Variants in DTWD2 observed in about 807,000 individuals in gnomAD.
DTWD2 encodes tRNA-uridine aminocarboxypropyltransferase 2.
Under a neutral mutation model 31.8 loss-of-function variants are expected in DTWD2, and 39 were observed. That is an observed-to-expected ratio of 1.22 (90% confidence interval 0.95 to 1.60). The LOEUF is 1.60. Among genes scored for constraint, DTWD2 ranks in the 40% most tolerant of loss-of-function variants. The pLI is 0.00. For synonymous variants in DTWD2, 180 were observed against 142.8 expected (o/e 1.26, Z -1.86); for missense variants, 515 against 381.5 (o/e 1.35, Z -2.92).
intron 4 of DTWD2, among the ~76,000 whole-genome samples, chr5:118,851,157 T>A (rs1751992941): frequency 7.2e-6 from 1 of 139,170 alleles, no homozygotes; most frequent in Non-Finnish European, 1.5e-5. Context: ...AGGCAGAGAT[T>A]ACAGTGAGCC....
intron 3 of DTWD2, 118 bp from the exon 4 acceptor site, chr5:118,928,847 ATAAG>A: frequency 1.2e-6 from 1 of 816,762 alleles, no homozygotes; most frequent in Non-Finnish European, 1.8e-6. Context: ...CTAATCAAAT[ATAAG>A]TATTAGTTTA....
chr5:118,883,279 T>G (rs1180963044), intron 4 of DTWD2, among the ~76,000 whole-genome samples: 2 of 152,216 alleles, frequency 1.3e-5, no homozygotes, highest in Non-Finnish European at 2.9e-5. Context: ...TGGACTTCAT[T>G]GTCTATTTCA....
chr5:118,902,770 C>A lies in DTWD2; in HGVS notation c.597+25767G>T, dbSNP rs925906868. 8.5e-5 allele frequency among the ~76,000 whole-genome samples: 13 copies of A among 152,128 alleles called. 1 individual carries two copies. The highest frequency in any genetic ancestry group is 7.9e-4 in the Admixed American group (12 of 15,280). ...ATAGCAATTTTTGAGATATCTTCTA[C>A]CATGTATACACAAATGGTTGCCATA... On this transcript the variant is annotated intron_variant, in intron 4 of 5. Coordinates refer to ENST00000510708, the MANE Select transcript of DTWD2 (RefSeq NM_173666.4).
At chr5:118,911,352 G>C (rs1306753712) in intron 4 of DTWD2, among the ~76,000 whole-genome samples, 1 of 152,200 alleles carries the variant, frequency 6.6e-6, no homozygotes, top group African/African-American at 2.4e-5. Flanking sequence ...AAAGACAAAA[G>C]ATAACAAGTG....
chr5:118,958,435 G>A (rs1172241388), intron 1 of DTWD2, among the ~76,000 whole-genome samples: 2 of 151,486 alleles, frequency 1.3e-5, no homozygotes, highest in African/African-American at 4.9e-5. Context: ...TCCAGCCAGG[G>A]CAACAAAGCA....
chr5:118,901,477 C>G lies in DTWD2; in HGVS notation c.597+27060G>C, dbSNP rs190830607. ...CAAAGTAATACAGATGCCAGAATGC[C>G]TCTCTGATGATTCTTTTTCTAAAGC... On this transcript the variant is annotated intron_variant, in intron 4 of 5. Transcript: ENST00000510708. Among the ~76,000 whole-genome samples, 231 of 152,274 alleles carry G rather than the reference C, an allele frequency of 1.5e-3. 2 individuals carry two copies. Among genetic ancestry groups the G allele is most frequent in the African/African-American group, 5.3e-3 (222 of 41,550 alleles).
At chr5:118,906,411 T>C (rs942052269) in intron 4 of DTWD2, among the ~76,000 whole-genome samples, 2 of 152,180 alleles carry the variant, frequency 1.3e-5, no homozygotes, top group Non-Finnish European at 2.9e-5. Flanking sequence ...TTAATAACCA[T>C]TTCATTTGTA....
At chr5:118,982,247 A>C (rs1055881133) in intron 1 of DTWD2, among the ~76,000 whole-genome samples, 37 of 152,368 alleles carry the variant, frequency 2.4e-4, no homozygotes, top group African/African-American at 8.7e-4. Context: ...CAAGGAATTA[A>C]TGTGCTTTTA....
intron 1 of DTWD2, among the ~76,000 whole-genome samples, chr5:118,956,074 T>C (rs2149590945): frequency 6.6e-6 from 1 of 152,280 alleles, no homozygotes; most frequent in East Asian, 1.9e-4. Context: ...TGTCACAGAT[T>C]TTCAATTTCC....
chr5:118,973,859 G>T, intron 1 of DTWD2: 2 of 1,612,124 alleles, frequency 1.2e-6, no homozygotes, highest in South Asian at 2.2e-5. Flanking sequence ...GGAGAAGAAG[G>T]AAGTTGTGGA....
intron 4 of DTWD2, among the ~76,000 whole-genome samples, chr5:118,908,192 A>T (rs148989449): frequency 6.6e-6 from 1 of 152,324 alleles, no homozygotes; most frequent in African/African-American, 2.4e-5. Context: ...GACATTACAT[A>T]TAAAAAATAA....
chr5:118,970,658 C>T (rs1410647419), intron 1 of DTWD2, among the ~76,000 whole-genome samples: 6 of 151,954 alleles, frequency 3.9e-5, no homozygotes, highest in South Asian at 2.1e-4. Flanking sequence ...AGATACTCCA[C>T]GAGAAGATCT....
intron 3 of DTWD2, among the ~76,000 whole-genome samples, chr5:118,929,462 C>T (rs1431556404): frequency 6.6e-6 from 1 of 151,582 alleles, no homozygotes; most frequent in African/African-American, 2.4e-5. Context: ...TTCTGTACCT[C>T]ATTGCTGATT....
Position 118,965,174 on chromosome 5 carries a change from G to A in DTWD2, c.219-20525C>T, listed in dbSNP as rs561923230. ...AGCCCCTCCGCCCGGCAGCTGCCCT[G>A]TCTGAGAAGTGAGGAGCCCCTCCGC... On this transcript the variant is annotated intron_variant, in intron 1 of 5. Transcript: ENST00000510708. Among the ~76,000 whole-genome samples the A allele has an allele frequency of 1.1e-3, 163 of 150,058 alleles. 2 individuals carry two copies. Among genetic ancestry groups the A allele is most frequent in the African/African-American group, 3.8e-3 (155 of 40,282 alleles).
rs1291220745 is a variant in DTWD2 at position 118,837,398 on chromosome 5, C to T, written c.*3519G>A. 1 of 152,098 alleles carries T rather than the reference C, an allele frequency of 6.6e-6. No individual in the cohort carries two copies. Among genetic ancestry groups the T allele is most frequent in the Non-Finnish European group, 1.5e-5 (1 of 67,998 alleles). 9.4% of individuals were successfully genotyped at this position (152,098 alleles called of 1,614,324 possible). A position where few individuals can be genotyped will look rare whatever the true frequency, so the allele number is the denominator to read the frequency against. Reference sequence around the variant, plus strand: ...AGAAATACATCTACATAGTAAAATACAGTTTTGTAAAACTTTTGAGTTTAC... The same window carrying T: ...AGAAATACATCTACATAGTAAAATATAGTTTTGTAAAACTTTTGAGTTTAC... On this transcript the variant is annotated 3_prime_UTR_variant, in exon 6 of 6. Coordinates refer to ENST00000510708, the MANE Select transcript of DTWD2 (RefSeq NM_173666.4).
intron 1 of DTWD2, among the ~76,000 whole-genome samples, chr5:118,952,573 C>T (rs1006169313): frequency 2.5e-4 from 38 of 152,262 alleles, no homozygotes; most frequent in African/African-American, 8.9e-4. Context: ...GCCATTTTCA[C>T]TTCTTTTGTG....
chr5:118,964,320 T>C (rs1754777276), intron 1 of DTWD2, among the ~76,000 whole-genome samples: 1 of 152,056 alleles, frequency 6.6e-6, no homozygotes, highest in African/African-American at 2.4e-5. Context: ...TTATACTTCA[T>C]ATAAGGCACC....
intron 4 of DTWD2, among the ~76,000 whole-genome samples, chr5:118,857,463 G>GT (rs905404622): frequency 1.3e-5 from 2 of 151,980 alleles, no homozygotes; most frequent in Middle Eastern, 3.4e-3. Context: ...GCCATATATC[G>GT]TTTTTTGTGA....
Position 118,841,045 on chromosome 5 carries a change from G to C in DTWD2, c.769C>G (p.Gln257Glu). Residue 257 changes from glutamine (Q) to glutamate (E), a missense_variant, in exon 6 of 6, where the codon CAG becomes GAG. Transcript: ENST00000510708. ...CTGAGGCGAATTTGGGCACCATGCT[G>C]AAGTTGAAAGGAGCATAAAGCTTGA... ...PLQALCSFQLQHGAQIRLSKE... is the reference protein window; with the variant it reads ...PLQALCSFQLEHGAQIRLSKE... 6.2e-7 allele frequency: 1 copy of C among 1,613,394 alleles called. No homozygotes were observed. The highest frequency in any genetic ancestry group is 8.5e-7 in the Non-Finnish European group (1 of 1,179,612).
Sources: allele counts gnomAD v4.1 joint callset (sites outside exome capture counted in the v4.1 genomes callset), GRCh38; gene constraint gnomAD v4.1.1; transcripts MANE v1.5; gene names NCBI Gene and HGNC (gene_info 2026-07-23, HGNC 2026-07-21).